Variants in PRLR observed in about 807,000 individuals in gnomAD.
PRLR encodes the protein hPRL receptor.
PRLR carries 13 observed loss-of-function variants against 40.2 expected under a neutral mutation model. The ratio of observed to expected loss-of-function variants is 0.32; its 90% CI spans 0.21 to 0.51. The LOEUF is 0.51. Ranked by LOEUF, PRLR falls within the 20% of genes least tolerant of loss-of-function variation. The pLI is 0.97. For missense variants in PRLR, 656 were observed against 747.3 expected, an observed-to-expected ratio of 0.88 and a Z score of 1.42; for synonymous variants, 269 against 278.7, an observed-to-expected ratio of 0.97 and a Z score of 0.35.
At chr5:35,105,704 C>T (rs990694294) in intron 2 of PRLR, among the ~76,000 whole-genome samples, 23 of 152,172 alleles carry the variant, frequency 1.5e-4, no homozygotes, top group Non-Finnish European at 2.8e-4. Flanking sequence ...GAAACAAAGC[C>T]TCCAAGAAAT....
At chr5:35,104,601 GC>G (rs1772107910) in intron 2 of PRLR, among the ~76,000 whole-genome samples, 1 of 152,166 alleles carries the variant, frequency 6.6e-6, no homozygotes. Flanking sequence ...AGGGTCCTAT[GC>G]CCACGGAGCC....
At chr5:35,203,335 G>A (rs1410161888) in intron 1 of PRLR, among the ~76,000 whole-genome samples, 2 of 152,178 alleles carry the variant, frequency 1.3e-5, no homozygotes, top group Admixed American at 6.5e-5. Flanking sequence ...TATGCCAAGG[G>A]TGATAGTGGC....
At chr5:35,187,173 C>G (rs542230203) in intron 1 of PRLR, among the ~76,000 whole-genome samples, 11 of 151,998 alleles carry the variant, frequency 7.2e-5, no homozygotes, top group African/African-American at 1.7e-4. Context: ...GGTTGAGGCA[C>G]GTGGACCACT....
chr5:35,096,435 C>T (rs16871820), intron 2 of PRLR, among the ~76,000 whole-genome samples: 20 of 152,110 alleles, frequency 1.3e-4, no homozygotes, highest in East Asian at 1.9e-4. Flanking sequence ...GGAAAACCCA[C>T]GTTGGCCTGA....
intron 1 of PRLR, among the ~76,000 whole-genome samples, chr5:35,118,981 A>G (rs1773176535): frequency 1.3e-5 from 2 of 151,956 alleles, no homozygotes; most frequent in Admixed American, 1.3e-4. Context: ...TTTTTAGTAG[A>G]GATGGGGTTT....
intron 1 of PRLR, among the ~76,000 whole-genome samples, chr5:35,197,738 A>G (rs1422071410): frequency 6.6e-6 from 1 of 152,252 alleles, no homozygotes; most frequent in Non-Finnish European, 1.5e-5. Context: ...AGCCTCCCCA[A>G]CCAGCGACTG....
intron 9 of PRLR, among the ~76,000 whole-genome samples, chr5:35,067,868 G>T (rs991507140): frequency 6.6e-6 from 1 of 152,124 alleles, no homozygotes; most frequent in Non-Finnish European, 1.5e-5. Context: ...TTGAGGGGGT[G>T]GTGGTGGGTC....
chr5:35,184,925 G>A (rs530486014), intron 1 of PRLR, among the ~76,000 whole-genome samples: 1 of 152,328 alleles, frequency 6.6e-6, no homozygotes, highest in South Asian at 2.1e-4. Flanking sequence ...AGGTGTTACT[G>A]GTTTAGAATG....
intron 1 of PRLR, among the ~76,000 whole-genome samples, chr5:35,201,661 G>T (rs948943605): frequency 1.3e-5 from 2 of 152,022 alleles, no homozygotes; most frequent in Non-Finnish European, 2.9e-5. Context: ...CAGAGATCTC[G>T]GTCAAATCCT....
At chr5:35,167,375 C>A (rs569409894) in intron 1 of PRLR, among the ~76,000 whole-genome samples, 1 of 152,022 alleles carries the variant, frequency 6.6e-6, no homozygotes, top group Non-Finnish European at 1.5e-5. Flanking sequence ...TGTCACTGGG[C>A]TAGGGGCTGC....
At chr5:35,209,403 A>AT (rs986681091) in intron 1 of PRLR, among the ~76,000 whole-genome samples, 18 of 152,010 alleles carry the variant, frequency 1.2e-4, no homozygotes, top group African/African-American at 2.7e-4. Context: ...AAATGACTAC[A>AT]TTTTTTCTGG....
At chr5:35,220,925 G>T (rs2111673427) in intron 1 of PRLR, among the ~76,000 whole-genome samples, 1 of 152,218 alleles carries the variant, frequency 6.6e-6, no homozygotes, top group African/African-American at 2.4e-5. Flanking sequence ...TATCAGACTT[G>T]GCTGGACCCT....
At chr5:35,162,686 A>T (rs1426312534) in intron 1 of PRLR, among the ~76,000 whole-genome samples, 7 of 152,152 alleles carry the variant, frequency 4.6e-5, no homozygotes, top group African/African-American at 1.4e-4. Flanking sequence ...CAGATGAAGA[A>T]AGGGAGGCTC....
chr5:35,107,808 T>C (rs1325022075), intron 2 of PRLR, among the ~76,000 whole-genome samples: 3 of 152,204 alleles, frequency 2.0e-5, no homozygotes, highest in Non-Finnish European at 2.9e-5. Context: ...AAAGAAGAGC[T>C]GATACCATTC....
At chr5:35,054,066 A>G (rs1401124815), downstream of PRLR, among the ~76,000 whole-genome samples, 2 of 152,274 alleles carry the variant, frequency 1.3e-5, no homozygotes, top group African/African-American at 4.8e-5. Context: ...TTACTCAGAT[A>G]CAAATGGATT....
chr5:35,208,029 T>C (rs948849858), intron 1 of PRLR, among the ~76,000 whole-genome samples: 5 of 152,134 alleles, frequency 3.3e-5, no homozygotes, highest in African/African-American at 1.2e-4. Flanking sequence ...ACTGAAGCAT[T>C]GCTTGTCCAG....
intron 1 of PRLR, among the ~76,000 whole-genome samples, chr5:35,226,356 G>A (rs1435598149): frequency 2.6e-5 from 4 of 152,120 alleles, no homozygotes; most frequent in Admixed American, 2.6e-4. Flanking sequence ...CCATAACCTT[G>A]GACTAGCTCC....
intron 1 of PRLR, among the ~76,000 whole-genome samples, chr5:35,196,620 T>C (rs1310839370): frequency 6.6e-6 from 1 of 152,198 alleles, no homozygotes; most frequent in African/African-American, 2.4e-5. Flanking sequence ...AGATTGCTCC[T>C]GCAGGAATCC....
intron 1 of PRLR, among the ~76,000 whole-genome samples, chr5:35,135,083 G>A (rs558724268): frequency 6.8e-4 from 98 of 143,580 alleles, no homozygotes; most frequent in Admixed American, 9.4e-4. Flanking sequence ...GTCATTTAGA[G>A]ATTTGTGTTT....
Sources: gnomAD v4.1 joint callset for allele counts (sites outside exome capture counted in the v4.1 genomes callset) on GRCh38, gnomAD v4.1.1 for gene constraint, MANE v1.5 for transcripts, NCBI Gene and HGNC (gene_info 2026-07-23, HGNC 2026-07-21) for gene names.